Variants in ATP1A2 observed in about 807,000 individuals in gnomAD.
The protein encoded by ATP1A2 is sodium/potassium-transporting ATPase subunit alpha-2.
In ATP1A2, 56 loss-of-function variants were observed where a neutral mutation model predicts 113.1. The ratio of observed to expected loss-of-function variants is 0.49; its 90% CI spans 0.40 to 0.62. The LOEUF is 0.62. ATP1A2 is among the 20% of genes least tolerant of loss of function. The probability of loss-of-function intolerance (pLI) is 0.00; values close to 1 mark genes in which losing one functional copy is unlikely to be tolerated. For synonymous variants in ATP1A2, 490 were observed against 526.8 expected (o/e 0.93, Z 0.96); for missense variants, 712 against 1,357.8 (o/e 0.52, Z 7.47).
At chr1:160,116,326 G>C (rs1342089085) in intron 1 of ATP1A2, among the ~76,000 whole-genome samples, 1 of 152,200 alleles carries the variant, frequency 6.6e-6, no homozygotes, top group African/African-American at 2.4e-5. Context: ...TGAGGTTAGA[G>C]AGGGGCAGTA....
rs1651889832 is a variant in ATP1A2 at position 160,135,024 on chromosome 1, C to G, written c.1965-121C>G. On this transcript the variant is annotated intron_variant, in intron 14 of 22. Transcript: ENST00000361216. This position sits in a 1 kb window ranked among gnomAD's most constrained non-coding sequence, Gnocchi z 6.3. The stretch of plus-strand genomic sequence containing the variant: ...AGTACTGAGGAGAGGAGAACTGAAG[C>G]AACAGGGGAAGCAGGCTCAGCAGGG... The G allele has an allele frequency of 3.8e-6, 5 of 1,304,816 alleles. No individual in the cohort carries two copies. Among genetic ancestry groups the G allele is most frequent in the Non-Finnish European group, 5.5e-6 (5 of 917,282 alleles). The allele number at this position is 1,304,816 out of a possible 1,614,324, so 80.8% of individuals were successfully genotyped here.
intron 6 of ATP1A2, 98 bp from the exon 7 acceptor site, chr1:160,125,038 T>A (rs1036142284): frequency 2.9e-5 from 27 of 928,776 alleles, no homozygotes; most frequent in Admixed American, 5.3e-5. Context: ...GTTCCTCGTG[T>A]CATGAAGATT....
intron 20 of ATP1A2, among the ~76,000 whole-genome samples, chr1:160,138,488 T>C (rs1652025737): frequency 6.6e-6 from 1 of 152,216 alleles, no homozygotes. Context: ...AGGTCCTTAG[T>C]GAGTGAAAAT....
intron 1 of ATP1A2, among the ~76,000 whole-genome samples, chr1:160,116,487 C>T (rs1570979898): frequency 6.6e-6 from 1 of 151,954 alleles, no homozygotes; most frequent in Non-Finnish European, 1.5e-5. Context: ...CAGCATTGTC[C>T]GTGGGTTCCA....
chr1:160,115,776 T>C lies in ATP1A2; in HGVS notation c.-86T>C. 3 of 1,530,602 alleles carry C rather than the reference T, an allele frequency of 2.0e-6. No homozygotes were observed. In the Admixed American group the frequency reaches 5.9e-5, roughly 30 times the overall value. The allele number at this position is 1,530,602 out of a possible 1,614,324, so 94.8% of individuals were successfully genotyped here. A position where few individuals can be genotyped will look rare whatever the true frequency, so the allele number is the denominator to read the frequency against. ...TTGGCTTTCTCTGTCTGCCAGGGTC[T>C]CCGACTGTCCCAGACGGGCTGGTGT... On this transcript the variant is annotated 5_prime_UTR_variant, in exon 1 of 23. Coordinates refer to ENST00000361216, the MANE Select transcript of ATP1A2 (RefSeq NM_000702.4).
chr1:160,137,278 T>C (rs1362626361), intron 20 of ATP1A2: 3 of 560,818 alleles, frequency 5.3e-6, no homozygotes, highest in African/African-American at 3.8e-5. Context: ...CTCCCTTCTT[T>C]CCCCCATCTC....
chr1:160,138,483 C>T (rs1652025590), intron 20 of ATP1A2, among the ~76,000 whole-genome samples: 1 of 152,122 alleles, frequency 6.6e-6, no homozygotes, highest in South Asian at 2.1e-4. Context: ...TAAGGAGGTC[C>T]TTAGTGAGTG....
chr1:160,130,481 G>A lies in ATP1A2; in HGVS notation c.1711G>A (p.Asp571Asn). The A allele has an allele frequency of 1.2e-6, 2 of 1,614,222 alleles. No homozygotes were observed. The highest frequency in any genetic ancestry group is 1.7e-6 in the Non-Finnish European group (2 of 1,180,038). ...TCCTCGGGGCTTCAAATTCGACACG[G>A]ATGAGCTGAACTTTCCCACGGAGAA... ...KFPRGFKFDT[D>N]ELNFPTEKLC... The change falls in exon 13 of 23, where the codon GAT becomes AAT. Residue 571 changes from aspartate to asparagine, a missense_variant. Physicochemically the swap from Asp to Asn is conservative, Grantham distance 23. Coordinates refer to ENST00000361216, the MANE Select transcript of ATP1A2 (RefSeq NM_000702.4).
At chr1:160,121,098 C>A (rs1651380483) in intron 2 of ATP1A2, 88 bp downstream of exon 2, 1 of 1,600,780 alleles carries the variant, frequency 6.2e-7, no homozygotes, top group Non-Finnish European at 8.6e-7. Flanking sequence ...ACTCCGTGTC[C>A]CCCATGCTGC....
Position 160,137,910 on chromosome 1 carries a change from T to C in ATP1A2, c.2840+879T>C, listed in dbSNP as rs1652007122. ...TAAAGTGAAAAGCCTGTTAGATAAATAAAGGTAACATGAAGGAAGGAGATT... is the reference window on the plus strand; with the variant it reads ...TAAAGTGAAAAGCCTGTTAGATAAACAAAGGTAACATGAAGGAAGGAGATT... On this transcript the variant is annotated intron_variant, in intron 20 of 22. Coordinates refer to ENST00000361216, the MANE Select transcript of ATP1A2 (RefSeq NM_000702.4). Among the ~76,000 whole-genome samples the C allele has an allele frequency of 2.0e-5, 3 of 151,960 alleles. No homozygotes were observed. In the South Asian group the frequency reaches 6.2e-4, roughly 32 times the overall value.
At chr1:160,116,043 G>A (rs1157737270) in intron 1 of ATP1A2, among the ~76,000 whole-genome samples, 170 bp downstream of exon 1, 1 of 152,090 alleles carries the variant, frequency 6.6e-6, no homozygotes, top group Non-Finnish European at 1.5e-5. Context: ...AGATCCCACG[G>A]CGGTCACATA....
Position 160,143,355 on chromosome 1 carries a change from C to A in ATP1A2, c.*2033C>A, listed in dbSNP as rs1652212754. Reference sequence around the variant, plus strand: ...TGGCATTTTTTTAGTAAATTAAGAGCATAAACAATATTGCTAGAGGTGGCA... The same window carrying A: ...TGGCATTTTTTTAGTAAATTAAGAGAATAAACAATATTGCTAGAGGTGGCA... On this transcript the variant is annotated 3_prime_UTR_variant, in exon 23 of 23. Transcript: ENST00000361216. 6.6e-6 allele frequency: 1 copy of A among 152,572 alleles called. No individual in the cohort carries two copies. Among genetic ancestry groups the A allele is most frequent in the African/African-American group, 2.4e-5 (1 of 41,440 alleles). 9.5% of individuals were successfully genotyped at this position (152,572 alleles called of 1,614,324 possible). A position where few individuals can be genotyped will look rare whatever the true frequency, so the allele number is the denominator to read the frequency against.
At chr1:160,140,600 C>T (rs1042042934) in intron 22 of ATP1A2, 1 of 167,610 alleles carries the variant, frequency 6.0e-6, no homozygotes, top group East Asian at 1.7e-4. Context: ...TCGACTTCTC[C>T]TGAAGATCAG....
intron 1 of ATP1A2, among the ~76,000 whole-genome samples, chr1:160,118,679 C>G (rs557303315): frequency 1.1e-4 from 16 of 152,274 alleles, no homozygotes; most frequent in Admixed American, 4.6e-4. Context: ...GAGAAGAGCA[C>G]TTCTGAGCAA....
At chr1:160,131,688 A>G (rs1362531307) in intron 13 of ATP1A2, among the ~76,000 whole-genome samples, 2 of 151,900 alleles carry the variant, frequency 1.3e-5, no homozygotes, top group African/African-American at 4.8e-5. Context: ...AAAATTAGCC[A>G]CGTGTAGTGG....
chr1:160,127,134 A>G (rs960906886), intron 7 of ATP1A2, among the ~76,000 whole-genome samples: 1 of 152,230 alleles, frequency 6.6e-6, no homozygotes, highest in African/African-American at 2.4e-5. Context: ...CTCTATAGAG[A>G]TTCATGCCTA....
chr1:160,139,834 A>C, intron 21 of ATP1A2, 59 bp from the exon 22 acceptor site: 1 of 1,610,178 alleles, frequency 6.2e-7, no homozygotes, highest in Non-Finnish European at 8.5e-7. Flanking sequence ...ATGCTCCTTT[A>C]TGTGACAGCC....
At chr1:160,120,418 C>A (rs969772962) in intron 1 of ATP1A2, among the ~76,000 whole-genome samples, 6 of 152,070 alleles carry the variant, frequency 3.9e-5, no homozygotes. Context: ...TCTTGCTCCC[C>A]CAAGTTCCTG....
In ATP1A2 at chr1:160,139,914, C is replaced by T; in HGVS notation, c.2964C>T (p.Ala988=). 6.2e-7 allele frequency: 1 copy of T among 1,614,146 alleles called. No individual in the cohort carries two copies. The highest frequency in any genetic ancestry group is 8.5e-7 in the Non-Finnish European group (1 of 1,180,020). Residue 988 remains alanine (A), a synonymous_variant, in exon 22 of 23, where the codon GCC becomes GCT. Transcript: ENST00000361216. ...YPLKVTWWFC[A]FPYSLLIFIY... ...TCAGAGTCACCTGGTGGTTCTGCGC[C>T]TTCCCCTACAGCCTCCTCATCTTCA...
Sources: gnomAD v4.1 joint callset for allele counts (sites outside exome capture counted in the v4.1 genomes callset) on GRCh38, gnomAD v4.1.1 for gene constraint, Gnocchi (gnomAD v3.1) non-coding constraint, MANE v1.5 for transcripts, NCBI Gene and HGNC (gene_info 2026-07-23, HGNC 2026-07-21) for gene names.